Variants in SLC8A1 observed in about 807,000 individuals in gnomAD.
The protein encoded by SLC8A1 is sodium/calcium exchanger 1.
A neutral mutation model predicts 68.3 loss-of-function variants in SLC8A1; 18 were observed. The ratio of observed to expected loss-of-function variants is 0.26; its 90% CI spans 0.18 to 0.39. SLC8A1 has a LOEUF of 0.39. SLC8A1 is among the 10% of genes least tolerant of loss of function. The pLI, the probability that SLC8A1 is intolerant of heterozygous loss-of-function variation, is 1.00. For missense variants in SLC8A1, 985 were observed against 1,156.7 expected, an observed-to-expected ratio of 0.85 and a Z score of 2.15; for synonymous variants, 475 against 415.5, an observed-to-expected ratio of 1.14 and a Z score of -1.74.
At chr2:40,419,010 G>A (rs928614025) in intron 2 of SLC8A1, among the ~76,000 whole-genome samples, 1 of 152,206 alleles carries the variant, frequency 6.6e-6, no homozygotes, top group Non-Finnish European at 1.5e-5. Flanking sequence ...AAGGCACAGA[G>A]AGGCTTTAGG....
At chr2:40,374,825 G>T (rs1001413943) in intron 2 of SLC8A1, among the ~76,000 whole-genome samples, 8 of 152,142 alleles carry the variant, frequency 5.3e-5, no homozygotes, top group Admixed American at 2.6e-4. Context: ...AATGACCAAA[G>T]ATGACATATG....
chr2:40,386,698 G>A (rs1057432021), intron 2 of SLC8A1, among the ~76,000 whole-genome samples: 2 of 150,538 alleles, frequency 1.3e-5, no homozygotes, highest in African/African-American at 5.0e-5. Context: ...GGAAAAGTCA[G>A]TAAGTCCATA....
chr2:40,397,261 T>C (rs914537771), intron 2 of SLC8A1, among the ~76,000 whole-genome samples: 3 of 152,204 alleles, frequency 2.0e-5, no homozygotes, highest in African/African-American at 7.2e-5. Flanking sequence ...ATACATGTCA[T>C]GAGCTAATGT....
intron 2 of SLC8A1, among the ~76,000 whole-genome samples, chr2:40,284,754 C>T (rs914258567): frequency 2.0e-5 from 3 of 151,600 alleles, no homozygotes; most frequent in African/African-American, 7.3e-5. Context: ...TCTCTTTTCC[C>T]ATGAAGTTTG....
At chr2:40,306,530 T>G (rs1234207139) in intron 2 of SLC8A1, among the ~76,000 whole-genome samples, 2 of 152,128 alleles carry the variant, frequency 1.3e-5, no homozygotes, top group Non-Finnish European at 2.9e-5. Flanking sequence ...CCCTTAACAT[T>G]TTATAAATGG....
intron 2 of SLC8A1, among the ~76,000 whole-genome samples, chr2:40,395,882 A>AT (rs996922863): frequency 1.4e-4 from 22 of 152,112 alleles, no homozygotes; most frequent in African/African-American, 5.1e-4. Flanking sequence ...AAGTCCATTC[A>AT]TTTTTACTAA....
chr2:40,263,942 C>G (rs2065032314), intron 2 of SLC8A1, among the ~76,000 whole-genome samples: 1 of 152,014 alleles, frequency 6.6e-6, no homozygotes, highest in Admixed American at 6.6e-5. Context: ...ATTTTCACAA[C>G]CTACTCATCT....
intron 2 of SLC8A1, among the ~76,000 whole-genome samples, chr2:40,233,902 G>C (rs1045360319): frequency 6.6e-5 from 10 of 151,668 alleles, no homozygotes; most frequent in Non-Finnish European, 1.3e-4. Context: ...AGATCAGATA[G>C]TTGTAGATAT....
At chr2:40,219,222 T>C (rs1489823782) in intron 2 of SLC8A1, among the ~76,000 whole-genome samples, 2 of 152,132 alleles carry the variant, frequency 1.3e-5, no homozygotes, top group African/African-American at 4.8e-5. Flanking sequence ...GGAGAAACCA[T>C]TGAGAACAAG....
chr2:40,393,802 T>C (rs886677470), intron 2 of SLC8A1, among the ~76,000 whole-genome samples: 16 of 152,158 alleles, frequency 1.1e-4, no homozygotes, highest in African/African-American at 3.6e-4. Flanking sequence ...AGAGCCAAAC[T>C]GGCAAAATCA....
intron 2 of SLC8A1, among the ~76,000 whole-genome samples, chr2:40,360,310 G>T (rs938411110): frequency 6.6e-6 from 1 of 152,090 alleles, no homozygotes; most frequent in Non-Finnish European, 1.5e-5. Flanking sequence ...CTAAATTTGG[G>T]ATCATCATGC....
At chr2:40,179,824 G>C (rs1317834599) in intron 2 of SLC8A1, among the ~76,000 whole-genome samples, 1 of 152,164 alleles carries the variant, frequency 6.6e-6, no homozygotes, top group Non-Finnish European at 1.5e-5. Context: ...ATAGGTAGAA[G>C]ATGCTTTTAA....
At chr2:40,166,703 T>C (rs2046607291) in intron 4 of SLC8A1, among the ~76,000 whole-genome samples, 1 of 152,222 alleles carries the variant, frequency 6.6e-6, no homozygotes, top group Non-Finnish European at 1.5e-5. Flanking sequence ...TGAAGTGCAA[T>C]TTATCCAGCA....
chr2:40,344,868 A>C (rs1421545372), intron 2 of SLC8A1, among the ~76,000 whole-genome samples: 1 of 152,190 alleles, frequency 6.6e-6, no homozygotes, highest in Non-Finnish European at 1.5e-5. Flanking sequence ...TGGTAATCAC[A>C]TGAGATCTCA....
chr2:40,167,271 A>T (rs1217781784), intron 4 of SLC8A1, among the ~76,000 whole-genome samples: 1 of 152,306 alleles, frequency 6.6e-6, no homozygotes, highest in South Asian at 2.1e-4. Context: ...ACCTTTTAAG[A>T]TAGGTAGTCA....
At chr2:40,111,171 A>G (rs1209132259) in exon 8 of SLC8A1, 2 of 152,204 alleles carry the variant, frequency 1.3e-5, no homozygotes, top group Non-Finnish European at 2.9e-5. Context: ...AAATTTTATA[A>G]AACACTCACT....
At chr2:40,215,509 C>T (rs529294215) in intron 2 of SLC8A1, among the ~76,000 whole-genome samples, 7 of 151,738 alleles carry the variant, frequency 4.6e-5, no homozygotes, top group Admixed American at 3.3e-4. Flanking sequence ...CGGTGGCGGG[C>T]GCCTGTAGTC....
At chr2:40,277,369 G>A (rs546392196) in intron 2 of SLC8A1, among the ~76,000 whole-genome samples, 10 of 152,050 alleles carry the variant, frequency 6.6e-5, no homozygotes, top group Admixed American at 2.0e-4. Context: ...GTGAAAAACC[G>A]TCTCCACTAA....
chr2:40,209,685 A>G (rs1207019133), intron 2 of SLC8A1, among the ~76,000 whole-genome samples: 1 of 152,148 alleles, frequency 6.6e-6, no homozygotes, highest in African/African-American at 2.4e-5. Context: ...TTAGGAAGAC[A>G]GAGTATAGAG....
Sources: gnomAD v4.1 joint callset for allele counts (sites outside exome capture counted in the v4.1 genomes callset) on GRCh38, gnomAD v4.1.1 for gene constraint, MANE v1.5 for transcripts, NCBI Gene and HGNC (gene_info 2026-07-23, HGNC 2026-07-21) for gene names.